CAPRIN1: variants seen among roughly 807,000 people sequenced by gnomAD.
The protein encoded by CAPRIN1 is cell cycle associated protein 1.
Under a neutral mutation model 100.9 loss-of-function variants are expected in CAPRIN1, and 29 were observed. The observed-to-expected ratio is 0.29, with a 90% CI of 0.21 to 0.39. The LOEUF (loss-of-function observed/expected upper bound fraction) is 0.39, where lower values mean the gene tolerates loss of function less well. Ranked by LOEUF, CAPRIN1 falls within the 10% of genes least tolerant of loss-of-function variation. The probability of loss-of-function intolerance (pLI) is 1.00; values close to 1 mark genes in which losing one functional copy is unlikely to be tolerated. For missense variants in CAPRIN1, 795 were observed against 876.7 expected (o/e 0.91, Z 1.18); for synonymous variants, 338 against 307.5 (o/e 1.10, Z -1.04).
chr11:34,064,529 G>A (rs1850647802), intron 2 of CAPRIN1, among the ~76,000 whole-genome samples: 1 of 152,218 alleles, frequency 6.6e-6, no homozygotes, highest in African/African-American at 2.4e-5. Context: ...GGCCACTTAA[G>A]GAGTAAGCTG....
In CAPRIN1 at chr11:34,090,801, T is replaced by A; in HGVS notation, c.1554+123T>A. ...TCTGCATCTTTCATTAACTGTAGGG[T>A]ATATTTAATTGAACATAAACTGATT... is the stretch of plus-strand genomic sequence containing the variant. On this transcript the variant is annotated intron_variant, in intron 14 of 18. Transcript: ENST00000341394. 4.0e-6 allele frequency: 3 copies of A among 758,864 alleles called. No homozygotes were observed. The South Asian group carries it at 5.7e-5, about 14-fold the overall frequency. The allele number at this position is 758,864 out of a possible 1,614,324, so 47.0% of individuals were successfully genotyped here.
At chr11:34,076,735 A>G in intron 6 of CAPRIN1, 93 bp downstream of exon 6, 1 of 774,962 alleles carries the variant, frequency 1.3e-6, no homozygotes, top group Non-Finnish European at 2.1e-6. Flanking sequence ...GAAAAAAATT[A>G]GTTTTTTTTT....
intron 7 of CAPRIN1, among the ~76,000 whole-genome samples, chr11:34,081,100 T>G (rs1237803368): frequency 6.6e-6 from 1 of 152,208 alleles, no homozygotes; most frequent in African/African-American, 2.4e-5. Flanking sequence ...TAAAGAAAAC[T>G]TTCTAAAATA....
In CAPRIN1 at chr11:34,051,758, G is replaced by A. The variant is rs1027271076; in HGVS notation, c.-114G>A. 6.6e-6 allele frequency: 1 copy of A among 152,400 alleles called. No individual in the cohort carries two copies. Among genetic ancestry groups the A allele is most frequent in the Non-Finnish European group, 1.5e-5 (1 of 68,214 alleles). The allele number at this position is 152,400 out of a possible 1,614,324, so 9.4% of individuals were successfully genotyped here. ...CTAGGAGCGGCTCTCGGTGCAGCGG[G>A]ACAGGGCGAAGCGGCCTGCGCCCAC... On this transcript the variant is annotated 5_prime_UTR_variant, in exon 1 of 19. Coordinates refer to ENST00000341394, the MANE Select transcript of CAPRIN1 (RefSeq NM_005898.5).
In CAPRIN1 at chr11:34,090,227, T is replaced by C; in HGVS notation, c.1342T>C (p.Leu448=). The C allele has an allele frequency of 6.2e-7, 1 of 1,614,050 alleles. No individual in the cohort carries two copies. The highest frequency in any genetic ancestry group is 8.5e-7 in the Non-Finnish European group (1 of 1,179,944). ...TGAGGGGTACACAGCATCTCAACCC[T>C]TGTACCAGCCTTCTCATGCTACAGA... ...TSEGYTASQP[L]YQPSHATEQR... The change falls in exon 13 of 19, where the codon TTG becomes CTG. Residue 448 remains leucine (L), a synonymous_variant. Coordinates refer to ENST00000341394, the MANE Select transcript of CAPRIN1 (RefSeq NM_005898.5).
At position 34,083,047 on chromosome 11, in the gene CAPRIN1, A is replaced by C. The variant is rs766443490; in HGVS notation, c.966+6A>C. On this transcript the variant is annotated splice_donor_region_variant and intron_variant, in intron 9 of 18. Transcript: ENST00000341394. ...GGACAGTTGAAACGGTTGAGGTAAG[A>C]GTTCTCTGTATTGCAAAGTTGTTGT... The C allele has an allele frequency of 9.4e-6, 15 of 1,600,064 alleles. No individual in the cohort carries two copies. The highest frequency in any genetic ancestry group is 1.3e-5 in the Non-Finnish European group (15 of 1,167,466).
intron 11 of CAPRIN1, among the ~76,000 whole-genome samples, chr11:34,086,946 A>C (rs1851157866): frequency 6.6e-6 from 1 of 152,208 alleles, no homozygotes; most frequent in Admixed American, 6.5e-5. Flanking sequence ...GGATTTTATT[A>C]CCTTAAAAAA....
At chr11:34,082,567 C>G (rs1011179710) in intron 7 of CAPRIN1, among the ~76,000 whole-genome samples, 3 of 152,056 alleles carry the variant, frequency 2.0e-5, no homozygotes, top group African/African-American at 7.2e-5. Flanking sequence ...TACTTTCTAC[C>G]CTCACAGATG....
At chr11:34,058,362 C>G (rs992847877) in intron 2 of CAPRIN1, among the ~76,000 whole-genome samples, 3 of 152,158 alleles carry the variant, frequency 2.0e-5, no homozygotes, top group Non-Finnish European at 4.4e-5. Context: ...GTCTCAAACT[C>G]CTGACCTCAA....
intron 4 of CAPRIN1, among the ~76,000 whole-genome samples, chr11:34,073,755 C>T (rs1456114894): frequency 2.0e-5 from 3 of 152,164 alleles, no homozygotes; most frequent in Admixed American, 2.0e-4. Flanking sequence ...TTACTTATTA[C>T]ATCTGATCAG....
At chr11:34,098,280 G>C in intron 18 of CAPRIN1, 1 of 984,172 alleles carries the variant, frequency 1.0e-6, no homozygotes, top group Non-Finnish European at 1.2e-6. Context: ...ACCTCTATTA[G>C]TGATATAAAT....
rs1851066163 is a variant in CAPRIN1, at chr11:34,083,139, G to C, written c.966+98G>C. Reference sequence around the variant, plus strand: ...ATTAAGATTGTTTTTTGCATTATTAGTACATTTATTATAATAACAGACTCA... The same window carrying C: ...ATTAAGATTGTTTTTTGCATTATTACTACATTTATTATAATAACAGACTCA... On this transcript the variant is annotated intron_variant, in intron 9 of 18. Transcript: ENST00000341394. 5.0e-6 allele frequency: 4 copies of C among 801,770 alleles called. No individual in the cohort carries two copies. In the East Asian group the frequency reaches 1.0e-4, roughly 21 times the overall value. 49.7% of individuals were successfully genotyped at this position (801,770 alleles called of 1,614,324 possible).
intron 2 of CAPRIN1, among the ~76,000 whole-genome samples, chr11:34,053,837 G>T (rs1225518484): frequency 6.6e-6 from 1 of 152,158 alleles, no homozygotes; most frequent in East Asian, 1.9e-4. Flanking sequence ...CAAATTAGTC[G>T]TTTGTAAAAA....
At chr11:34,085,164 A>C (rs778609358) in intron 9 of CAPRIN1, among the ~76,000 whole-genome samples, 6 of 152,228 alleles carry the variant, frequency 3.9e-5, no homozygotes, top group Non-Finnish European at 8.8e-5. Flanking sequence ...ATGTAATAAA[A>C]GATAGGATTT....
At chr11:34,056,537 TAATC>T (rs967451427) in intron 2 of CAPRIN1, 7 of 152,128 alleles carry the variant, frequency 4.6e-5, no homozygotes, top group Non-Finnish European at 1.0e-4. Context: ...ACAGCTGTGA[TAATC>T]AAGTGTAAAA....
At chr11:34,060,912 T>G (rs1271924734) in intron 2 of CAPRIN1, among the ~76,000 whole-genome samples, 1 of 152,204 alleles carries the variant, frequency 6.6e-6, no homozygotes, top group Non-Finnish European at 1.5e-5. Context: ...CCTTTAAGAT[T>G]ATTTATGGTA....
chr11:34,082,447 C>G (rs1215317268), intron 7 of CAPRIN1, among the ~76,000 whole-genome samples: 1 of 152,208 alleles, frequency 6.6e-6, no homozygotes, highest in African/African-American at 2.4e-5. Flanking sequence ...TCTTGGCCTT[C>G]CAAAGTGCTG....
At chr11:34,097,910 T>G in intron 18 of CAPRIN1, 149 bp downstream of exon 18, 1 of 1,403,372 alleles carries the variant, frequency 7.1e-7, no homozygotes, top group Non-Finnish European at 9.3e-7. Flanking sequence ...TTCTAAAACT[T>G]AATCTTGGAC....
intron 2 of CAPRIN1, among the ~76,000 whole-genome samples, chr11:34,059,056 CATTT>C (rs1305694930): frequency 3.4e-4 from 51 of 152,056 alleles, no homozygotes; most frequent in Non-Finnish European, 6.9e-4. Flanking sequence ...TGTTTTAGCT[CATTT>C]ATTTCTTTCT....
Sources: allele counts gnomAD v4.1 joint callset (sites outside exome capture counted in the v4.1 genomes callset), GRCh38; gene constraint gnomAD v4.1.1; transcripts MANE v1.5; gene names NCBI Gene and HGNC (gene_info 2026-07-23, HGNC 2026-07-21).